XPOT: variants seen among roughly 807,000 people sequenced by gnomAD.
XPOT encodes the protein exportin for tRNA, also known as exportin-T.
A neutral mutation model predicts 128.2 loss-of-function variants in XPOT; 34 were observed. The ratio of observed to expected loss-of-function variants is 0.27; its 90% CI spans 0.20 to 0.35. The LOEUF (loss-of-function observed/expected upper bound fraction) is 0.35, where lower values mean the gene tolerates loss of function less well. Among genes scored for constraint, XPOT ranks in the 10% least tolerant of loss-of-function variants. The probability of loss-of-function intolerance (pLI) is 1.00; values close to 1 mark genes in which losing one functional copy is unlikely to be tolerated. For missense variants in XPOT, 838 were observed against 1,125.3 expected, an observed-to-expected ratio of 0.74 and a Z score of 3.65; for synonymous variants, 348 against 394.3, an observed-to-expected ratio of 0.88 and a Z score of 1.39.
At chr12:64,418,190 T>A in intron 5 of XPOT, 75 bp downstream of exon 5, 1 of 1,258,970 alleles carries the variant, frequency 7.9e-7, no homozygotes, top group Non-Finnish European at 1.1e-6. Flanking sequence ...TTTGGAACTT[T>A]ACCTCAAAGA....
intron 24 of XPOT, among the ~76,000 whole-genome samples, chr12:64,446,820 A>G (rs2040370489): frequency 6.6e-6 from 1 of 152,054 alleles, no homozygotes; most frequent in Admixed American, 6.6e-5. Context: ...TATAGTGATC[A>G]TTCTTTCCCC....
chr12:64,422,606 G>C (rs1346969571), intron 9 of XPOT, among the ~76,000 whole-genome samples: 1 of 152,136 alleles, frequency 6.6e-6, no homozygotes, highest in Non-Finnish European at 1.5e-5. Context: ...CAAAGATCTT[G>C]ATTGATTACA....
chr12:64,406,260 G>C (rs867671606), intron 1 of XPOT, among the ~76,000 whole-genome samples: 13 of 151,776 alleles, frequency 8.6e-5, no homozygotes, highest in African/African-American at 3.1e-4. Flanking sequence ...ATTTTTAGTA[G>C]AGACGGCGTT....
intron 21 of XPOT, 121 bp downstream of exon 21, chr12:64,435,030 C>A: frequency 1.2e-6 from 1 of 809,708 alleles, no homozygotes; most frequent in Non-Finnish European, 1.9e-6. Context: ...GATTTCAGAT[C>A]AGGGTTCTTT....
At chr12:64,411,461 A>G (rs1021226005) in intron 2 of XPOT, among the ~76,000 whole-genome samples, 2 of 152,138 alleles carry the variant, frequency 1.3e-5, no homozygotes. Context: ...CCAGCATCCA[A>G]TTTTTTTAAA....
Position 64,434,641 on chromosome 12 carries a change from C to T in XPOT, c.2569+18C>T, listed in dbSNP as rs1592337546. On this transcript the variant is annotated intron_variant, in intron 20 of 24. Transcript: ENST00000332707. ...ACTCTGGGGTAAGATAATTTTATTTCTTAACCTTCATTTCCCAAACTCTTT... is the reference window on the plus strand; with the variant it reads ...ACTCTGGGGTAAGATAATTTTATTTTTTAACCTTCATTTCCCAAACTCTTT... 1.1e-5 allele frequency: 18 copies of T among 1,598,516 alleles called. No homozygotes were observed. In the East Asian group the frequency reaches 3.6e-4, roughly 32 times the overall value.
In XPOT at chr12:64,413,180, ACT is replaced by A. The variant is rs1399166870; in HGVS notation, c.61-1724_61-1723del. Among the ~76,000 whole-genome samples, 14 of 152,206 alleles carry A rather than the reference ACT, an allele frequency of 9.2e-5. No homozygotes were observed. The South Asian group carries it at 2.7e-3, about 29-fold the overall frequency. On this transcript the variant is annotated intron_variant, in intron 2 of 24. Coordinates refer to ENST00000332707, the MANE Select transcript of XPOT (RefSeq NM_007235.6). ...ACACCAAGTTACCTCATTAACATAA[ACT>A]CTGTTGACCCCGAAGTCTCTAGTGA...
chr12:64,422,533 G>A (rs1411141215), intron 9 of XPOT, among the ~76,000 whole-genome samples: 5 of 152,078 alleles, frequency 3.3e-5, no homozygotes, highest in Non-Finnish European at 7.4e-5. Flanking sequence ...CTTAGGTTAG[G>A]TATATTTTAA....
At chr12:64,432,997 T>TG (rs2040251621) in intron 18 of XPOT, among the ~76,000 whole-genome samples, 1 of 152,132 alleles carries the variant, frequency 6.6e-6, no homozygotes, top group Non-Finnish European at 1.5e-5. Flanking sequence ...TGGAGTGCAG[T>TG]GGTATGATCT....
chr12:64,418,366 T>A (rs1160202602), intron 5 of XPOT, among the ~76,000 whole-genome samples: 4 of 152,214 alleles, frequency 2.6e-5, no homozygotes, highest in African/African-American at 9.6e-5. Context: ...AATGTAGTTG[T>A]TTTTAACTAC....
At chr12:64,420,869 C>T (rs1226441572) in intron 8 of XPOT, among the ~76,000 whole-genome samples, 4 of 152,100 alleles carry the variant, frequency 2.6e-5, no homozygotes, top group Non-Finnish European at 5.9e-5. Flanking sequence ...GGCACAGTCT[C>T]GGCTCACTGC....
chr12:64,425,601 C>T (rs978163792), intron 14 of XPOT, 144 bp downstream of exon 14: 1 of 1,138,966 alleles, frequency 8.8e-7, no homozygotes, highest in African/African-American at 1.6e-5. Context: ...ACCCCTCCTC[C>T]ATTTCTTTTA....
intron 4 of XPOT, among the ~76,000 whole-genome samples, chr12:64,417,452 G>A (rs1400250455): frequency 1.3e-5 from 2 of 151,668 alleles, no homozygotes; most frequent in Non-Finnish European, 2.9e-5. Flanking sequence ...GGAAGCTGAG[G>A]CCAGGAGGTT....
At chr12:64,412,718 AG>A (rs1366149880) in intron 2 of XPOT, among the ~76,000 whole-genome samples, 1 of 152,204 alleles carries the variant, frequency 6.6e-6, no homozygotes, top group African/African-American at 2.4e-5. Context: ...TGACACTACC[AG>A]GATTAGCATC....
At chr12:64,421,067 G>T (rs940452087) in intron 8 of XPOT, among the ~76,000 whole-genome samples, 168 bp from the exon 9 acceptor site, 2 of 152,198 alleles carry the variant, frequency 1.3e-5, no homozygotes, top group African/African-American at 4.8e-5. Flanking sequence ...CTTCCAGAGT[G>T]CTGGGATTAC....
chr12:64,439,943 A>G (rs775098734), intron 23 of XPOT, among the ~76,000 whole-genome samples: 8 of 152,190 alleles, frequency 5.3e-5, no homozygotes, highest in Admixed American at 1.3e-4. Flanking sequence ...TTCTTCATCA[A>G]TAGTGTTTTT....
At chr12:64,411,427 G>C (rs1377197544) in intron 2 of XPOT, among the ~76,000 whole-genome samples, 1 of 152,116 alleles carries the variant, frequency 6.6e-6, no homozygotes, top group Non-Finnish European at 1.5e-5. Flanking sequence ...GGATGAAAGA[G>C]GCATTTTCTT....
chr12:64,444,974 A>T, intron 23 of XPOT, 101 bp from the exon 24 acceptor site: 3 of 209,384 alleles, frequency 1.4e-5, no homozygotes, highest in Non-Finnish European at 1.3e-5. Context: ...CCATCTCTTA[A>T]AAAAAAAAAA....
At chr12:64,443,922 T>C (rs1005679884) in intron 23 of XPOT, among the ~76,000 whole-genome samples, 10 of 152,244 alleles carry the variant, frequency 6.6e-5, no homozygotes, top group African/African-American at 1.9e-4. Flanking sequence ...TCATTTGATA[T>C]GTAAATAAAC....
Sources: allele counts gnomAD v4.1 joint callset (sites outside exome capture counted in the v4.1 genomes callset), GRCh38; gene constraint gnomAD v4.1.1; transcripts MANE v1.5; gene names NCBI Gene and HGNC (gene_info 2026-07-23, HGNC 2026-07-21).